Variants in NPAS3 observed in about 807,000 individuals in gnomAD.
NPAS3 encodes the protein neuronal PAS domain protein 3.
NPAS3 carries 14 observed loss-of-function variants against 73.1 expected under a neutral mutation model. That is an observed-to-expected ratio of 0.19 (90% CI 0.13 to 0.30). The LOEUF is 0.30. Among genes scored for constraint, NPAS3 ranks in the 10% least tolerant of loss-of-function variants. NPAS3 has a pLI of 1.00. For synonymous variants in NPAS3, 620 were observed against 541.5 expected, an observed-to-expected ratio of 1.14 and a Z score of -2.01; for missense variants, 1,096 against 1,250.0, an observed-to-expected ratio of 0.88 and a Z score of 1.86.
chr14:33,142,343 G>A lies in NPAS3; in HGVS notation c.141-72839G>A, dbSNP rs561044168. Among the ~76,000 whole-genome samples the A allele has an allele frequency of 7.2e-5, 11 of 151,946 alleles. No individual in the cohort carries two copies. The South Asian group carries it at 1.0e-3, about 14-fold the overall frequency. Reference sequence around the variant, plus strand: ...TTTTAGCCTTAACTGCTATAGTGCTGAAGTTATGTTGACATCTAATAAATG... The same window carrying A: ...TTTTAGCCTTAACTGCTATAGTGCTAAAGTTATGTTGACATCTAATAAATG... On this transcript the variant is annotated intron_variant, in intron 2 of 11. Coordinates refer to ENST00000356141, the Ensembl canonical transcript of NPAS3.
intron 2 of NPAS3, among the ~76,000 whole-genome samples, chr14:33,154,235 TG>T (rs1395832862): frequency 6.6e-6 from 1 of 152,224 alleles, no homozygotes; most frequent in Non-Finnish European, 1.5e-5. Flanking sequence ...TTGACAGCTA[TG>T]CTGATGGATG....
intron 1 of NPAS3, among the ~76,000 whole-genome samples, chr14:32,975,109 A>C (rs1164360846): frequency 6.6e-6 from 1 of 152,194 alleles, no homozygotes; most frequent in African/African-American, 2.4e-5. Context: ...TACAACAAGC[A>C]CTTGAATGAT....
intron 7 of NPAS3, 31 bp from the exon 8 acceptor site, chr14:33,774,306 C>T (rs776011594): frequency 1.2e-5 from 18 of 1,564,446 alleles, no homozygotes; most frequent in Non-Finnish European, 1.5e-5. Flanking sequence ...GTAAATTTGA[C>T]TGGTGTCCTG....
At chr14:33,333,390 A>G (rs937918308) in intron 3 of NPAS3, among the ~76,000 whole-genome samples, 3 of 152,222 alleles carry the variant, frequency 2.0e-5, no homozygotes, top group African/African-American at 7.2e-5. Flanking sequence ...TGATTTTTAT[A>G]TACTACTTTA....
Position 33,011,185 on chromosome 14 carries a change from T to C in NPAS3, c.51-44720T>C, listed in dbSNP as rs1213178638. 3.3e-5 allele frequency among the ~76,000 whole-genome samples: 5 copies of C among 152,316 alleles called. No homozygotes were observed. The South Asian group carries it at 6.2e-4, about 19-fold the overall frequency. Reference sequence around the variant, plus strand: ...GCACACTGAGCACTTTTGTACTGCATCATTTTTCACCATGCATTTGTATGA... The same window carrying C: ...GCACACTGAGCACTTTTGTACTGCACCATTTTTCACCATGCATTTGTATGA... On this transcript the variant is annotated intron_variant, in intron 1 of 11. Transcript: ENST00000356141.
intron 1 of NPAS3, among the ~76,000 whole-genome samples, chr14:32,994,654 C>CAAA (rs1169967950): frequency 2.9e-5 from 3 of 102,724 alleles, no homozygotes; most frequent in Non-Finnish European, 5.7e-5. Flanking sequence ...TTTTTTGAGA[C>CAAA]AGAGTCTCAC....
intron 4 of NPAS3, among the ~76,000 whole-genome samples, chr14:33,398,932 G>A (rs1029542181): frequency 2.6e-5 from 4 of 151,964 alleles, no homozygotes; most frequent in African/African-American, 9.7e-5. Context: ...AATTAATTGT[G>A]ACAATAAAGG....
At chr14:33,374,263 AAAG>A (rs2046221952) in intron 4 of NPAS3, among the ~76,000 whole-genome samples, 1 of 152,160 alleles carries the variant, frequency 6.6e-6, no homozygotes, top group South Asian at 2.1e-4. Context: ...GCCTCAAATA[AAAG>A]AAGAACCTGT....
intron 4 of NPAS3, among the ~76,000 whole-genome samples, chr14:33,440,724 T>C (rs544395666): frequency 1.8e-4 from 28 of 151,948 alleles, no homozygotes; most frequent in Non-Finnish European, 3.5e-4. Flanking sequence ...AAAACTCTGT[T>C]TTTACTAAAA....
At chr14:32,938,010 G>T (rs2035753434), upstream of NPAS3, among the ~76,000 whole-genome samples, 1 of 152,200 alleles carries the variant, frequency 6.6e-6, no homozygotes, top group African/African-American at 2.4e-5. Flanking sequence ...GGCTGGGCTA[G>T]ATCCCAGAGG....
At chr14:33,492,152 A>T (rs1166268749) in intron 4 of NPAS3, among the ~76,000 whole-genome samples, 1 of 152,126 alleles carries the variant, frequency 6.6e-6, no homozygotes, top group Non-Finnish European at 1.5e-5. Context: ...TTCAATACAG[A>T]TGTGTAACCC....
chr14:33,477,212 G>A (rs907098454), intron 4 of NPAS3, among the ~76,000 whole-genome samples: 5 of 152,068 alleles, frequency 3.3e-5, no homozygotes, highest in African/African-American at 1.2e-4. Context: ...GGTGATGGGG[G>A]TAGGGGTGGA....
At chr14:33,413,762 T>A (rs571960091) in intron 4 of NPAS3, among the ~76,000 whole-genome samples, 2 of 152,154 alleles carry the variant, frequency 1.3e-5, no homozygotes, top group Non-Finnish European at 2.9e-5. Context: ...CTTCAGACTG[T>A]AAGAATGCAA....
At chr14:33,522,207 C>G (rs940063834) in intron 4 of NPAS3, among the ~76,000 whole-genome samples, 1 of 152,114 alleles carries the variant, frequency 6.6e-6, no homozygotes, top group Non-Finnish European at 1.5e-5. Context: ...ACAGTTTCTT[C>G]AGAAATTCAC....
intron 1 of NPAS3, among the ~76,000 whole-genome samples, chr14:32,960,416 A>G (rs755870308): frequency 1.1e-4 from 16 of 152,182 alleles, no homozygotes; most frequent in Admixed American, 5.9e-4. Context: ...TTGAATACAA[A>G]TGGAAGCTAA....
intron 4 of NPAS3, among the ~76,000 whole-genome samples, chr14:33,418,164 C>G (rs1334906664): frequency 3.3e-5 from 5 of 151,878 alleles, no homozygotes; most frequent in Non-Finnish European, 5.9e-5. Context: ...ATGCCCCTAC[C>G]TAACTTTGTT....
intron 3 of NPAS3, among the ~76,000 whole-genome samples, chr14:33,308,510 T>TTTTATATATATATATATATATA (rs374327824): frequency 3.6e-5 from 3 of 83,512 alleles, no homozygotes; most frequent in African/African-American, 1.8e-4. Flanking sequence ...ATTGCATAGT[T>TTTTATATATATATATATATATA]TATATATATA....
At chr14:33,315,754 G>A (rs926392415) in intron 3 of NPAS3, among the ~76,000 whole-genome samples, 2 of 151,974 alleles carry the variant, frequency 1.3e-5, no homozygotes, top group Non-Finnish European at 2.9e-5. Flanking sequence ...AAAGCTATGG[G>A]GGTAAGGTAG....
At chr14:33,578,330 A>AT (rs2056529212) in intron 5 of NPAS3, 1 of 426,332 alleles carries the variant, frequency 2.3e-6, no homozygotes, top group Non-Finnish European at 4.6e-6. Flanking sequence ...AGTAGCTGGA[A>AT]TTACAGGCAT....
Sources: allele counts gnomAD v4.1 joint callset (sites outside exome capture counted in the v4.1 genomes callset), GRCh38; gene constraint gnomAD v4.1.1; transcripts MANE v1.5; gene names NCBI Gene and HGNC (gene_info 2026-07-23, HGNC 2026-07-21).